Variants in GTF3C4 observed in about 807,000 individuals in gnomAD.
GTF3C4 encodes the protein general transcription factor IIIC subunit 4.
In GTF3C4, 28 loss-of-function variants were observed where a neutral mutation model predicts 67.5. That is an observed-to-expected ratio of 0.41 (90% CI 0.31 to 0.57). GTF3C4 has a LOEUF of 0.57. GTF3C4 is among the 20% of genes least tolerant of loss of function. The pLI is 0.21. For synonymous variants in GTF3C4, 409 were observed against 393.0 expected (o/e 1.04, Z -0.48); for missense variants, 831 against 1,033.2 (o/e 0.80, Z 2.68).
At position 132,690,516 on chromosome 9, in the gene GTF3C4, T is replaced by C. The variant is rs1374263951; in HGVS notation, c.*1571T>C. On this transcript the variant is annotated 3_prime_UTR_variant, in exon 5 of 5. Coordinates refer to ENST00000372146, the MANE Select transcript of GTF3C4 (RefSeq NM_012204.4). ...CCTCCCCACCCCCACCCCGCATTGA[T>C]AGGTAGTGCAGACCAGCCCTTGGAG... The C allele has an allele frequency of 1.5e-5, 2 of 132,636 alleles. No individual in the cohort carries two copies. Among genetic ancestry groups the C allele is most frequent in the African/African-American group, 5.6e-5 (2 of 35,402 alleles). The allele number at this position is 132,636 out of a possible 1,614,324, so 8.2% of individuals were successfully genotyped here. A position where few individuals can be genotyped will look rare whatever the true frequency, so the allele number is the denominator to read the frequency against.
chr9:132,671,871 C>T (rs1440357911), intron 1 of GTF3C4, among the ~76,000 whole-genome samples: 1 of 152,138 alleles, frequency 6.6e-6, no homozygotes, highest in Non-Finnish European at 1.5e-5. Flanking sequence ...AAGGTCCTGT[C>T]AGGTAGTGAT....
At chr9:132,688,360 T>C (rs1176133531) in intron 4 of GTF3C4, among the ~76,000 whole-genome samples, 1 of 152,364 alleles carries the variant, frequency 6.6e-6, no homozygotes, top group Non-Finnish European at 1.5e-5. Flanking sequence ...ATCTTACCCA[T>C]TGACTTTGAG....
At chr9:132,686,126 T>TGAG (rs1554777062) in intron 3 of GTF3C4, among the ~76,000 whole-genome samples, 44,089 of 151,884 alleles carry the variant, frequency 0.29, 8,787 homozygotes, top group African/African-American at 0.56. Flanking sequence ...TTTTTACAGA[T>TGAG]GAGATTGGGG....
In GTF3C4 at chr9:132,670,514, C is replaced by G. The variant is rs1363383342; in HGVS notation, c.-85C>G. On this transcript the variant is annotated 5_prime_UTR_variant, in exon 1 of 5. Transcript: ENST00000372146. Reference sequence around the variant, plus strand: ...GAGGGGAGAAAACCGCCGCGGAGGGCGCTGGGGGTGGCGGCGGCGGTCCGG... The same window carrying G: ...GAGGGGAGAAAACCGCCGCGGAGGGGGCTGGGGGTGGCGGCGGCGGTCCGG... 1.8e-6 allele frequency: 2 copies of G among 1,137,314 alleles called. No homozygotes were observed. Among genetic ancestry groups the G allele is most frequent in the East Asian group, 3.0e-5 (1 of 33,072 alleles). 70.5% of individuals were successfully genotyped at this position (1,137,314 alleles called of 1,614,324 possible).
chr9:132,683,469 C>A (rs1444023781), intron 2 of GTF3C4, 94 bp from the exon 3 acceptor site: 5 of 1,137,552 alleles, frequency 4.4e-6, no homozygotes, highest in Non-Finnish European at 6.3e-6. Context: ...TTCTTTTTTT[C>A]TTTATTTTTT....
Position 132,670,945 on chromosome 9 carries a change from G to A in GTF3C4, c.347G>A (p.Cys116Tyr). The A allele has an allele frequency of 6.2e-7, 1 of 1,609,664 alleles. No individual in the cohort carries two copies. The highest frequency in any genetic ancestry group is 8.5e-7 in the Non-Finnish European group (1 of 1,177,560). The change falls in exon 1 of 5, where the codon TGT becomes TAT. Residue 116 changes from cysteine (C) to tyrosine (Y), a missense_variant. This residue lies in a region of GTF3C4 where 237 missense variants were observed against 212.7 expected (regional missense o/e 1.11). Coordinates refer to ENST00000372146, the MANE Select transcript of GTF3C4 (RefSeq NM_012204.4). ...RTSVPAPLNS[C>Y]LLKVGSKTEV... Reference sequence around the variant, plus strand: ...TCGGTGCCCGCACCGCTCAACAGCTGTCTCCTCAAAGTAAGTCATCCCCCG... The same window carrying A: ...TCGGTGCCCGCACCGCTCAACAGCTATCTCCTCAAAGTAAGTCATCCCCCG...
At chr9:132,675,460 T>C (rs570763492) in intron 1 of GTF3C4, among the ~76,000 whole-genome samples, 1 of 152,294 alleles carries the variant, frequency 6.6e-6, no homozygotes, top group South Asian at 2.1e-4. Context: ...TTAAAATGCC[T>C]TCCTAAAATC....
At chr9:132,687,591 GCAAA>G (rs554395942) in intron 4 of GTF3C4, among the ~76,000 whole-genome samples, 45 of 152,262 alleles carry the variant, frequency 3.0e-4, no homozygotes, top group African/African-American at 1.0e-3. Flanking sequence ...TTCTGTCACT[GCAAA>G]CAAATTATTC....
intron 1 of GTF3C4, among the ~76,000 whole-genome samples, chr9:132,677,665 A>C (rs56975408): frequency 0.012 from 1,896 of 152,330 alleles, 38 homozygotes; most frequent in African/African-American, 0.043. Context: ...TTGTCAATGA[A>C]ATTTCAGATA....
chr9:132,681,736 G>A (rs1449480171), intron 2 of GTF3C4, among the ~76,000 whole-genome samples: 12 of 152,148 alleles, frequency 7.9e-5, no homozygotes, highest in Non-Finnish European at 2.9e-5. Context: ...CACTCCCATT[G>A]AGAATGTGTG....
At chr9:132,672,107 A>G (rs755223630) in intron 1 of GTF3C4, among the ~76,000 whole-genome samples, 6 of 152,244 alleles carry the variant, frequency 3.9e-5, no homozygotes, top group Non-Finnish European at 8.8e-5. Context: ...TGAAGAAGAT[A>G]TGAACACATT....
At chr9:132,682,666 G>C (rs1388044301) in intron 2 of GTF3C4, among the ~76,000 whole-genome samples, 7 of 143,070 alleles carry the variant, frequency 4.9e-5, no homozygotes, top group Non-Finnish European at 9.0e-5. Flanking sequence ...GTGCAGTGGC[G>C]CAATCTCGGC....
chr9:132,678,669 CAA>C lies in GTF3C4; in HGVS notation c.1052_1053del (p.Lys351ArgfsTer36). 6.2e-7 allele frequency: 1 copy of C among 1,614,084 alleles called. No individual in the cohort carries two copies. Among genetic ancestry groups the C allele is most frequent in the Non-Finnish European group, 8.5e-7 (1 of 1,179,966 alleles). On this transcript the variant is annotated frameshift_variant, in exon 2 of 5. Coordinates refer to ENST00000372146, the MANE Select transcript of GTF3C4 (RefSeq NM_012204.4). LOFTEE classifies it high-confidence loss of function. This position sits in a 1 kb window ranked among gnomAD's most constrained non-coding sequence, Gnocchi z 6.5. Reference sequence around the variant, plus strand: ...TTCTTCCTGTCAATCTCAAAGCAGTCAAAGGCTATTTCACTTTAAGGCAGCCT... The same window carrying C: ...TTCTTCCTGTCAATCTCAAAGCAGTCAGGCTATTTCACTTTAAGGCAGCCT... ...KILPVNLKAVKGYFTLRQPVI... is the reference protein window; with the variant it reads ...KILPVNLKAVXGYFTLRQPVI...
upstream of GTF3C4, chr9:132,670,317 T>G: frequency 6.7e-7 from 1 of 1,481,504 alleles, no homozygotes; most frequent in East Asian, 2.4e-5. Flanking sequence ...AAAGCCTGTC[T>G]GGGTAGCTCC....
Position 132,670,581 on chromosome 9 carries a change from C to T in GTF3C4, c.-18C>T. ...TGCGTGGAGCGCCAGGGCGTCCGACCTCTGCACCTGAGAGAAGATGAACAC... is the reference window on the plus strand; with the variant it reads ...TGCGTGGAGCGCCAGGGCGTCCGACTTCTGCACCTGAGAGAAGATGAACAC... On this transcript the variant is annotated 5_prime_UTR_variant, in exon 1 of 5. Transcript: ENST00000372146. 2 of 1,422,086 alleles carry T rather than the reference C, an allele frequency of 1.4e-6. No individual in the cohort carries two copies. The highest frequency in any genetic ancestry group is 2.5e-4 in the Middle Eastern group (1 of 4,018). The allele number at this position is 1,422,086 out of a possible 1,614,324, so 88.1% of individuals were successfully genotyped here. A position where few individuals can be genotyped will look rare whatever the true frequency, so the allele number is the denominator to read the frequency against.
chr9:132,679,780 G>T lies in GTF3C4; in HGVS notation c.2161G>T (p.Glu721Ter). The change falls in exon 2 of 5, where the codon GAG (glutamate) becomes TAG (stop). Residue 721 changes from glutamate to a stop codon, truncating the protein, a stop_gained. Transcript: ENST00000372146. LOFTEE classifies it high-confidence loss of function. The surrounding 1 kb of genome is among the most constrained non-coding windows in gnomAD (Gnocchi z 5.9). ...CTGTAACTTTTTAATGTCTGATGAA[G>T]AGTATGATGACAGAACTGCACGGGT... is the stretch of plus-strand genomic sequence containing the variant. The part of the protein sequence containing the change: ...GLCNFLMSDE[E>*]YDDRTARVLI... 6.2e-7 allele frequency: 1 copy of T among 1,610,552 alleles called. No individual in the cohort carries two copies. The highest frequency in any genetic ancestry group is 1.1e-5 in the South Asian group (1 of 90,974).
intron 2 of GTF3C4, among the ~76,000 whole-genome samples, chr9:132,681,966 T>TAAAAAA (rs56402111): frequency 1.2e-4 from 14 of 114,684 alleles, no homozygotes; most frequent in South Asian, 2.8e-4. Context: ...CTACATAAAG[T>TAAAAAA]AAAAAAAAAA....
Position 132,679,329 on chromosome 9 carries a change from C to T in GTF3C4, c.1710C>T (p.Val570=), listed in dbSNP as rs1265174644. 2.6e-5 allele frequency: 42 copies of T among 1,613,986 alleles called. No homozygotes were observed. Among genetic ancestry groups the T allele is most frequent in the Non-Finnish European group, 3.5e-5 (41 of 1,180,010 alleles). ...AAAAAAAGATTGAAAGCAGTGGAGT[C>T]ACCTATTTTTGGCGTTTTAAGCTTT... ...ALEKKIESSG[V]TYFWRFKLFL... Residue 570 remains valine (V), a synonymous_variant, in exon 2 of 5, where the codon GTC becomes GTT. Coordinates refer to ENST00000372146, the MANE Select transcript of GTF3C4 (RefSeq NM_012204.4). The surrounding 1 kb of genome is among the most constrained non-coding windows in gnomAD (Gnocchi z 5.9).
chr9:132,675,259 G>A lies in GTF3C4; in HGVS notation c.358-2718G>A, dbSNP rs1007699841. 3.3e-5 allele frequency among the ~76,000 whole-genome samples: 5 copies of A among 152,132 alleles called. No individual in the cohort carries two copies. In the East Asian group the frequency reaches 5.8e-4, roughly 18 times the overall value. ...AGCATTTGAACCCAGGTAGTCTGGC[G>A]TCATAGCACAGATTTTCAGTTATTA... On this transcript the variant is annotated intron_variant, in intron 1 of 4. Coordinates refer to ENST00000372146, the MANE Select transcript of GTF3C4 (RefSeq NM_012204.4).
Sources: allele counts gnomAD v4.1 joint callset (sites outside exome capture counted in the v4.1 genomes callset), GRCh38; gene constraint gnomAD v4.1.1; regional missense constraint gnomAD v4.1.1; non-coding constraint Gnocchi (gnomAD v3.1); transcripts MANE v1.5; gene names NCBI Gene and HGNC (gene_info 2026-07-23, HGNC 2026-07-21).